WWOX: variants seen among roughly 807,000 people sequenced by gnomAD.
WWOX encodes WW domain-containing oxidoreductase.
In WWOX, 69 loss-of-function variants were observed where a neutral mutation model predicts 46.2. The observed-to-expected ratio is 1.49, with a 90% CI of 1.23 to 1.82. The LOEUF (loss-of-function observed/expected upper bound fraction) is 1.82, where lower values mean the gene tolerates loss of function less well. Among genes scored for constraint, WWOX ranks in the 40% most tolerant of loss-of-function variants. The probability of loss-of-function intolerance (pLI) is 0.00; values close to 1 mark genes in which losing one functional copy is unlikely to be tolerated. For synonymous variants in WWOX, 359 were observed against 202.6 expected (o/e 1.77, Z -6.56); for missense variants, 919 against 542.6 (o/e 1.69, Z -6.89).
chr16:78,401,099 C>G (rs548418683), intron 6 of WWOX, among the ~76,000 whole-genome samples: 1 of 152,198 alleles, frequency 6.6e-6, no homozygotes, highest in East Asian at 1.9e-4. Context: ...GGATTACAGG[C>G]ATGAGCCATG....
chr16:78,358,272 C>CT (rs2081338929), intron 5 of WWOX, among the ~76,000 whole-genome samples: 1 of 152,174 alleles, frequency 6.6e-6, no homozygotes, highest in Non-Finnish European at 1.5e-5. Context: ...ATGTTATACA[C>CT]TCACATACAA....
At chr16:78,663,272 T>C (rs1457081635) in intron 8 of WWOX, among the ~76,000 whole-genome samples, 2 of 152,244 alleles carry the variant, frequency 1.3e-5, no homozygotes, top group African/African-American at 4.8e-5. Flanking sequence ...CTGACTTCTT[T>C]CATTTAATGT....
intron 4 of WWOX, among the ~76,000 whole-genome samples, chr16:78,141,079 G>C (rs2033969118): frequency 6.6e-6 from 1 of 152,204 alleles, no homozygotes; most frequent in African/African-American, 2.4e-5. Context: ...GTTATCATCA[G>C]ACATTAGGAA....
intron 5 of WWOX, among the ~76,000 whole-genome samples, chr16:78,190,100 A>T (rs1163271519): frequency 6.6e-6 from 1 of 152,134 alleles, no homozygotes; most frequent in East Asian, 1.9e-4. Flanking sequence ...GGGTGGTGGT[A>T]ATTTGCATGA....
chr16:79,079,927 G>C (rs960575624), intron 8 of WWOX, among the ~76,000 whole-genome samples: 4 of 145,728 alleles, frequency 2.7e-5, no homozygotes, highest in Non-Finnish European at 4.5e-5. Flanking sequence ...TCCTCAAGCT[G>C]TTCCTTCCAC....
At chr16:78,832,021 T>C (rs2151158767) in intron 8 of WWOX, among the ~76,000 whole-genome samples, 1 of 152,316 alleles carries the variant, frequency 6.6e-6, no homozygotes, top group African/African-American at 2.4e-5. Context: ...AGTTATCCAT[T>C]GCTGCCTAAC....
intron 8 of WWOX, among the ~76,000 whole-genome samples, chr16:78,718,092 G>GTTTTTTTTTTTTTTTTTTTTTTTT: frequency 1.4e-5 from 2 of 139,612 alleles, no homozygotes; most frequent in African/African-American, 5.8e-5. Context: ...GGTTCTGGTG[G>GTTTTTTTTTTTTTTTTTTTTTTTT]TTGTATTTTT....
intron 8 of WWOX, among the ~76,000 whole-genome samples, chr16:78,543,692 C>G (rs1417213325): frequency 2.6e-5 from 4 of 152,158 alleles, no homozygotes. Context: ...AGACCCAAGA[C>G]CTTAACTTTT....
At chr16:78,374,002 G>C (rs940002660) in intron 5 of WWOX, among the ~76,000 whole-genome samples, 2 of 152,202 alleles carry the variant, frequency 1.3e-5, no homozygotes, top group African/African-American at 2.4e-5. Flanking sequence ...GGCCAGGCTG[G>C]TCTTGAACTC....
chr16:79,109,852 A>G (rs1287684200), intron 8 of WWOX, among the ~76,000 whole-genome samples: 2 of 152,190 alleles, frequency 1.3e-5, no homozygotes, highest in African/African-American at 2.4e-5. Flanking sequence ...TTTCCCAAGC[A>G]TGCATGTTAC....
intron 8 of WWOX, among the ~76,000 whole-genome samples, chr16:79,034,269 C>G (rs76333349): frequency 7.3e-4 from 111 of 152,290 alleles, no homozygotes; most frequent in African/African-American, 2.7e-3. Flanking sequence ...CAGAAAAAGG[C>G]ACTCTCTATA....
chr16:78,550,466 G>C (rs1381925930), intron 8 of WWOX, among the ~76,000 whole-genome samples: 1 of 152,184 alleles, frequency 6.6e-6, no homozygotes, highest in Non-Finnish European at 1.5e-5. Context: ...TTTAGCTTGT[G>C]GGTTGTAGTT....
intron 8 of WWOX, among the ~76,000 whole-genome samples, chr16:78,461,397 A>C (rs1350562084): frequency 6.6e-6 from 1 of 152,188 alleles, no homozygotes; most frequent in Non-Finnish European, 1.5e-5. Flanking sequence ...AAAAAATAGG[A>C]AAAAAAGAAA....
At chr16:78,493,135 A>C (rs3115956) in intron 8 of WWOX, among the ~76,000 whole-genome samples, 114,268 of 152,068 alleles carry the variant, frequency 0.75, 44,969 homozygotes, top group Admixed American at 0.87. Flanking sequence ...TGGAGCCTGG[A>C]CTTCTTCCTG....
At chr16:78,767,428 C>T (rs370522413) in intron 8 of WWOX, among the ~76,000 whole-genome samples, 1 of 151,966 alleles carries the variant, frequency 6.6e-6, no homozygotes, top group Non-Finnish European at 1.5e-5. Context: ...CCACACCTGC[C>T]ACAAAATTTC....
intron 5 of WWOX, among the ~76,000 whole-genome samples, chr16:78,367,815 G>C (rs745692666): frequency 5.1e-4 from 77 of 151,930 alleles, no homozygotes; most frequent in Non-Finnish European, 9.9e-4. Context: ...GGAGTGCAGT[G>C]GTGCAATCTC....
chr16:78,252,548 A>G (rs886893235), intron 5 of WWOX, among the ~76,000 whole-genome samples: 11 of 152,232 alleles, frequency 7.2e-5, no homozygotes, highest in African/African-American at 2.4e-4. Flanking sequence ...ATGGCAAATG[A>G]CTATGCCCGT....
intron 8 of WWOX, among the ~76,000 whole-genome samples, chr16:79,102,892 A>C (rs779594305): frequency 6.6e-6 from 1 of 151,236 alleles, no homozygotes; most frequent in East Asian, 1.9e-4. Context: ...TTGGGCACGC[A>C]CATGCAACCC....
intron 4 of WWOX, among the ~76,000 whole-genome samples, chr16:78,128,748 T>A (rs1303689720): frequency 1.3e-5 from 2 of 152,236 alleles, no homozygotes; most frequent in African/African-American, 4.8e-5. Context: ...GCTATAAGGA[T>A]GAACTCTCAA....
Sources: gnomAD v4.1 joint callset for allele counts (sites outside exome capture counted in the v4.1 genomes callset) on GRCh38, gnomAD v4.1.1 for gene constraint, MANE v1.5 for transcripts, NCBI Gene and HGNC (gene_info 2026-07-23, HGNC 2026-07-21) for gene names.